NCKAP5: variants seen among roughly 807,000 people sequenced by gnomAD.
The protein encoded by NCKAP5 is NCK associated protein 5.
In NCKAP5, 92 loss-of-function variants were observed where a neutral mutation model predicts 167.0. The observed-to-expected ratio is 0.55, with a 90% CI of 0.47 to 0.66. The LOEUF is 0.66. NCKAP5 is among the 30% of genes least tolerant of loss of function. NCKAP5 has a pLI of 0.00. For missense variants in NCKAP5, 2,378 were observed against 2,315.0 expected (o/e 1.03, Z -0.56); for synonymous variants, 891 against 877.4 (o/e 1.02, Z -0.27).
At chr2:133,518,480 G>A (rs778380852) in intron 2 of NCKAP5, among the ~76,000 whole-genome samples, 7 of 134,398 alleles carry the variant, frequency 5.2e-5, no homozygotes, top group African/African-American at 1.3e-4. Flanking sequence ...TCAGCCTCCC[G>A]AGTAGCTGGG....
chr2:132,885,791 T>C (rs143986152), intron 8 of NCKAP5, among the ~76,000 whole-genome samples: 1 of 152,358 alleles, frequency 6.6e-6, no homozygotes, highest in African/African-American at 2.4e-5. Context: ...TGTAAGTATG[T>C]ATTATGTTTA....
chr2:132,988,975 T>C (rs1573649827), intron 7 of NCKAP5, among the ~76,000 whole-genome samples: 1 of 152,220 alleles, frequency 6.6e-6, no homozygotes, highest in Non-Finnish European at 1.5e-5. Flanking sequence ...GTATCCATAG[T>C]TGGGTCCTTT....
intron 3 of NCKAP5, among the ~76,000 whole-genome samples, chr2:133,411,941 A>G (rs1452224174): frequency 6.6e-6 from 1 of 152,180 alleles, no homozygotes; most frequent in Non-Finnish European, 1.5e-5. Context: ...ATCTGAGAAG[A>G]GGCTTCAAAC....
chr2:133,254,225 C>T (rs1396336054), intron 4 of NCKAP5, among the ~76,000 whole-genome samples: 1 of 152,088 alleles, frequency 6.6e-6, no homozygotes, highest in Non-Finnish European at 1.5e-5. Context: ...CAGGACTAAG[C>T]CTTAGGAAGG....
the NCKAP5 span, among the ~76,000 whole-genome samples, chr2:133,642,181 T>A: frequency 6.6e-6 from 1 of 152,166 alleles, no homozygotes; most frequent in African/African-American, 2.4e-5. Context: ...CTTGAGCGAA[T>A]GAATCTATTC....
chr2:133,224,330 G>A (rs1416538951), intron 4 of NCKAP5, among the ~76,000 whole-genome samples: 1 of 152,126 alleles, frequency 6.6e-6, no homozygotes, highest in Non-Finnish European at 1.5e-5. Context: ...ATAAATGAAC[G>A]ATCATGCTTC....
intron 6 of NCKAP5, among the ~76,000 whole-genome samples, chr2:133,080,564 C>T (rs999611198): frequency 3.3e-5 from 5 of 152,098 alleles, no homozygotes; most frequent in African/African-American, 9.7e-5. Flanking sequence ...CAACAGAGAC[C>T]GTCTGGCTGA....
intron 4 of NCKAP5, among the ~76,000 whole-genome samples, chr2:133,230,942 A>T (rs2087118405): frequency 6.6e-6 from 1 of 152,208 alleles, no homozygotes; most frequent in Admixed American, 6.5e-5. Context: ...GCATCTTACC[A>T]ATTAATGTTC....
chr2:133,093,404 T>C (rs1457959991), intron 6 of NCKAP5, among the ~76,000 whole-genome samples: 1 of 152,226 alleles, frequency 6.6e-6, no homozygotes, highest in Admixed American at 6.5e-5. Flanking sequence ...ACCACTTATG[T>C]TGCCTGAATT....
chr2:133,609,504 A>AT, the NCKAP5 span, among the ~76,000 whole-genome samples: 4 of 152,084 alleles, frequency 2.6e-5, no homozygotes, highest in Admixed American at 6.6e-5. Context: ...TTTGGATCTT[A>AT]TTATTATTAC....
At chr2:133,363,162 G>T (rs1256399343) in intron 3 of NCKAP5, among the ~76,000 whole-genome samples, 1 of 152,136 alleles carries the variant, frequency 6.6e-6, no homozygotes. Flanking sequence ...CAAGGTGGTT[G>T]TTCTCTGCCT....
the NCKAP5 span, among the ~76,000 whole-genome samples, chr2:133,582,591 C>A: frequency 6.6e-6 from 1 of 152,026 alleles, no homozygotes; most frequent in African/African-American, 2.4e-5. Flanking sequence ...ATGGGCAGTT[C>A]GGCAGACATC....
rs114209677 is a variant in NCKAP5 at position 132,756,932 on chromosome 2, G to A, written c.5128+16884C>T. Among the ~76,000 whole-genome samples, 679 of 152,212 alleles carry A rather than the reference G, an allele frequency of 4.5e-3. 6 individuals are homozygous for A. The highest frequency in any genetic ancestry group is 0.015 in the African/African-American group (634 of 41,534). ...ACACAATGGAGTTACAGGCAGAGAC[G>A]GTTTATCACCACGGCATGAAAGTCT... On this transcript the variant is annotated intron_variant, in intron 16 of 19. Coordinates refer to ENST00000409261, the MANE Select transcript of NCKAP5 (RefSeq NM_207363.3).
chr2:133,400,650 T>C (rs1420805962), intron 3 of NCKAP5, among the ~76,000 whole-genome samples: 1 of 152,220 alleles, frequency 6.6e-6, no homozygotes, highest in Non-Finnish European at 1.5e-5. Context: ...TGCAGGCAGC[T>C]GGCCTCCAGT....
At chr2:132,932,771 A>G (rs190730548) in intron 8 of NCKAP5, among the ~76,000 whole-genome samples, 1 of 152,160 alleles carries the variant, frequency 6.6e-6, no homozygotes, top group Non-Finnish European at 1.5e-5. Context: ...AGGTCATGCA[A>G]CCATCCCTAG....
chr2:133,240,063 T>C (rs536065328), intron 4 of NCKAP5, among the ~76,000 whole-genome samples: 80 of 152,272 alleles, frequency 5.3e-4, no homozygotes, highest in Admixed American at 1.5e-3. Flanking sequence ...GACCTCACCA[T>C]CACAATTTGG....
At chr2:133,451,296 C>T (rs933456268) in intron 3 of NCKAP5, among the ~76,000 whole-genome samples, 1 of 152,206 alleles carries the variant, frequency 6.6e-6, no homozygotes, top group Non-Finnish European at 1.5e-5. Context: ...CCTCTCTCAA[C>T]CTCACCTTTC....
intron 15 of NCKAP5, among the ~76,000 whole-genome samples, chr2:132,774,391 A>AT (rs962838490): frequency 6.6e-6 from 1 of 151,990 alleles, no homozygotes; most frequent in Non-Finnish European, 1.5e-5. Flanking sequence ...TAAGAAGATA[A>AT]TTTTTTTTCA....
At chr2:132,941,600 A>G (rs1697303436) in intron 8 of NCKAP5, among the ~76,000 whole-genome samples, 2 of 152,212 alleles carry the variant, frequency 1.3e-5, no homozygotes, top group South Asian at 4.1e-4. Context: ...GGAGAAGCAC[A>G]GCTAAGAATA....
Sources: gnomAD v4.1 joint callset for allele counts (sites outside exome capture counted in the v4.1 genomes callset) on GRCh38, gnomAD v4.1.1 for gene constraint, MANE v1.5 for transcripts, NCBI Gene and HGNC (gene_info 2026-07-23, HGNC 2026-07-21) for gene names.